Variants in CTBP1 observed in about 807,000 individuals in gnomAD.
The protein encoded by CTBP1 is C-terminal-binding protein 1.
CTBP1 carries 11 observed loss-of-function variants against 42.1 expected under a neutral mutation model. That is an observed-to-expected ratio of 0.26 (90% confidence interval 0.16 to 0.43). The LOEUF (loss-of-function observed/expected upper bound fraction) is 0.43. Ranked by LOEUF, CTBP1 falls within the 20% of genes least tolerant of loss-of-function variation. The pLI, the probability that CTBP1 is intolerant of heterozygous loss-of-function variation, is 1.00. For synonymous variants in CTBP1, 324 were observed against 277.1 expected (o/e 1.17, Z -1.68); for missense variants, 399 against 624.3 (o/e 0.64, Z 3.85).
intron 6 of CTBP1, chr4:1,215,479 C>T (rs943318498): frequency 2.5e-5 from 5 of 200,828 alleles, no homozygotes; most frequent in East Asian, 1.3e-4. Flanking sequence ...TCAAGGGGAA[C>T]GCAGGGCTGA....
At chr4:1,244,136 G>T in intron 1 of CTBP1, 5 of 985,334 alleles carry the variant, frequency 5.1e-6, no homozygotes, top group Non-Finnish European at 6.0e-6. Flanking sequence ...GAGCCTCCTG[G>T]CCACATGTCA....
intron 1 of CTBP1, chr4:1,248,680 G>A (rs1463288145): frequency 2.0e-6 from 2 of 982,608 alleles, no homozygotes; most frequent in Non-Finnish European, 2.4e-6. Context: ...CCGCGGGCGG[G>A]GAGAGCAGAC....
At chr4:1,224,127 C>T (rs111321232) in intron 5 of CTBP1, among the ~76,000 whole-genome samples, 1 of 152,250 alleles carries the variant, frequency 6.6e-6, no homozygotes, top group Admixed American at 6.5e-5. Context: ...CATGCTAGAC[C>T]GTGGTTGATG....
chr4:1,222,450 A>G (rs1440756789), intron 5 of CTBP1, among the ~76,000 whole-genome samples: 1 of 152,112 alleles, frequency 6.6e-6, no homozygotes, highest in Non-Finnish European at 1.5e-5. Context: ...GCCCCCCAGC[A>G]GCTCCAGGGG....
intron 3 of CTBP1, chr4:1,234,782 A>C (rs1265833547): frequency 6.6e-6 from 1 of 152,238 alleles, no homozygotes; most frequent in Non-Finnish European, 1.5e-5. Context: ...GGCACTGTCC[A>C]AACCGAGCTG....
intron 1 of CTBP1, chr4:1,244,008 G>A: frequency 5.1e-6 from 5 of 985,378 alleles, no homozygotes; most frequent in Non-Finnish European, 4.8e-6. Flanking sequence ...ATCTAAGACT[G>A]CTCTAAAACA....
At chr4:1,213,978 G>A in intron 7 of CTBP1, 1 of 400,908 alleles carries the variant, frequency 2.5e-6, no homozygotes, top group Non-Finnish European at 4.5e-6. Context: ...CCAACCCAGG[G>A]CTGCCTGGGG....
At chr4:1,243,507 CTCTG>C in intron 1 of CTBP1, 1 of 985,390 alleles carries the variant, frequency 1.0e-6, no homozygotes, top group Middle Eastern at 5.2e-4. Context: ...CTCCAGGGAC[CTCTG>C]TCTCAGAAAC....
chr4:1,225,221 G>C, intron 5 of CTBP1, 139 bp downstream of exon 5: 3 of 997,254 alleles, frequency 3.0e-6, no homozygotes, highest in Non-Finnish European at 4.3e-6. Context: ...GTGCCTGTGC[G>C]CACTCAGTCC....
chr4:1,215,718 ACAGCAAGGGCTT>A, intron 6 of CTBP1: 1 of 507,018 alleles, frequency 2.0e-6, no homozygotes, highest in Non-Finnish European at 3.6e-6. Context: ...CACTGTGACA[ACAGCAAGGGCTT>A]CAGGGGAATT....
rs1006542341 is a variant in CTBP1 at position 1,223,557 on chromosome 4, C to T, written c.514+1803G>A. Reference sequence around the variant, plus strand: ...GGGGCCGGCCGGTCAAGGGGAGTCCCTGGCATGGCAAGGCCCTTGCATCCC... The same window carrying T: ...GGGGCCGGCCGGTCAAGGGGAGTCCTTGGCATGGCAAGGCCCTTGCATCCC... On this transcript the variant is annotated intron_variant, in intron 5 of 9. Transcript: ENST00000382952. 4 of 452,340 alleles carry T rather than the reference C, an allele frequency of 8.8e-6. No individual in the cohort carries two copies. The Admixed American group carries it at 9.6e-5, about 11-fold the overall frequency. The allele number at this position is 452,340 out of a possible 1,614,324, so 28.0% of individuals were successfully genotyped here.
Position 1,241,637 on chromosome 4 carries a change from T to C in CTBP1, c.-188-118A>G, listed in dbSNP as rs1732187939. 5 of 1,380,346 alleles carry C rather than the reference T, an allele frequency of 3.6e-6. No individual in the cohort carries two copies. The South Asian group carries it at 5.1e-5, about 14-fold the overall frequency. 85.5% of individuals were successfully genotyped at this position (1,380,346 alleles called of 1,614,324 possible). A position where few individuals can be genotyped will look rare whatever the true frequency, so the allele number is the denominator to read the frequency against. On this transcript the variant is annotated intron_variant, in intron 1 of 9. Transcript: ENST00000382952. Reference sequence around the variant, plus strand: ...CTGCATCTGCCACACCCGGGACTGCTGTCTGGGACCTACCTGGACTCGGGG... The same window carrying C: ...CTGCATCTGCCACACCCGGGACTGCCGTCTGGGACCTACCTGGACTCGGGG...
At position 1,212,048 on chromosome 4, in the gene CTBP1, CAG is replaced by C. The variant is rs1358678602; in HGVS notation, c.*190_*191del. ...TGCTTAACGAGGAACGCGAAGGACA[CAG>C]GGCAGAGCGCCCACAGGACGGACGA... On this transcript the variant is annotated 3_prime_UTR_variant, in exon 10 of 10. Coordinates refer to ENST00000382952, the MANE Select transcript of CTBP1 (RefSeq NM_001012614.2). The C allele has an allele frequency of 1.2e-5, 5 of 424,128 alleles. No individual in the cohort carries two copies. The East Asian group carries it at 1.8e-4, about 15-fold the overall frequency. The allele number at this position is 424,128 out of a possible 1,614,324, so 26.3% of individuals were successfully genotyped here.
chr4:1,240,842 G>A (rs891635075), intron 2 of CTBP1, among the ~76,000 whole-genome samples: 6 of 152,190 alleles, frequency 3.9e-5, no homozygotes, highest in African/African-American at 1.4e-4. Context: ...CACACGGCCT[G>A]TGCTGAAGCA....
At chr4:1,213,757 A>T in intron 7 of CTBP1, 152 bp from the exon 8 acceptor site, 6 of 1,004,790 alleles carry the variant, frequency 6.0e-6, no homozygotes, top group Non-Finnish European at 8.4e-6. Context: ...GGCTGAGCTC[A>T]AGAGCACAGC....
At chr4:1,239,544 A>T (rs993529327) in intron 2 of CTBP1, among the ~76,000 whole-genome samples, 2 of 152,192 alleles carry the variant, frequency 1.3e-5, no homozygotes, top group South Asian at 4.1e-4. Flanking sequence ...AGCAGAGGCC[A>T]CCGAGCTGCC....
At chr4:1,223,684 C>T (rs1729998590) in intron 5 of CTBP1, among the ~76,000 whole-genome samples, 1 of 152,034 alleles carries the variant, frequency 6.6e-6, no homozygotes, top group Non-Finnish European at 1.5e-5. Flanking sequence ...CCCACCCTCT[C>T]AGGGAGCACC....
chr4:1,238,925 T>G lies in CTBP1; in HGVS notation c.8-588A>C, dbSNP rs1311243977. On this transcript the variant is annotated intron_variant, in intron 2 of 9. Coordinates refer to ENST00000382952, the MANE Select transcript of CTBP1 (RefSeq NM_001012614.2). The surrounding 1 kb of genome is among the most constrained non-coding windows in gnomAD (Gnocchi z 5.9). ...ACAGCACGGGACTTTGGGAACATGG[T>G]TGTCCCTTTCCTGCCTGGGCTACCG... Among the ~76,000 whole-genome samples the G allele has an allele frequency of 6.6e-6, 1 of 152,066 alleles. No individual in the cohort carries two copies. The highest frequency in any genetic ancestry group is 2.4e-5 in the African/African-American group (1 of 41,406).
chr4:1,223,486 G>C (rs1729974898), intron 5 of CTBP1: 2 of 456,048 alleles, frequency 4.4e-6, no homozygotes, highest in South Asian at 3.1e-5. Context: ...GGCGGGACAA[G>C]GACAGCGGTC....
Sources: allele counts gnomAD v4.1 joint callset (sites outside exome capture counted in the v4.1 genomes callset), GRCh38; gene constraint gnomAD v4.1.1; non-coding constraint Gnocchi (gnomAD v3.1); transcripts MANE v1.5; gene names NCBI Gene and HGNC (gene_info 2026-07-23, HGNC 2026-07-21).